The following VAV3 variants were observed in gnomAD, a reference collection of about 807,000 sequenced individuals.
VAV3 encodes vav guanine nucleotide exchange factor 3.
A neutral mutation model predicts 131.2 loss-of-function variants in VAV3; 94 were observed. The ratio of observed to expected loss-of-function variants is 0.72; its 90% CI spans 0.61 to 0.85. The LOEUF (loss-of-function observed/expected upper bound fraction) is 0.85. Ranked by LOEUF, VAV3 falls within the 40% of genes least tolerant of loss-of-function variation. The pLI, the probability that VAV3 is intolerant of heterozygous loss-of-function variation, is 0.00. For missense variants in VAV3, 939 were observed against 1,002.7 expected (o/e 0.94, Z 0.86); for synonymous variants, 349 against 342.0 (o/e 1.02, Z -0.22).
intron 15 of VAV3, among the ~76,000 whole-genome samples, chr1:107,746,703 G>A (rs1004615327): frequency 1.3e-5 from 2 of 152,136 alleles, no homozygotes; most frequent in African/African-American, 4.8e-5. Flanking sequence ...ACGTTGGTCA[G>A]TATTATGTAA....
At chr1:107,668,926 A>G in intron 19 of VAV3, 1 of 988,068 alleles carries the variant, frequency 1.0e-6, no homozygotes, top group Non-Finnish European at 1.2e-6. Context: ...CAAGCTACTT[A>G]TCTCAACGTG....
intron 1 of VAV3, among the ~76,000 whole-genome samples, chr1:107,959,271 AAATTAATT>A (rs936137011): frequency 2.1e-4 from 26 of 126,144 alleles, no homozygotes; most frequent in African/African-American, 8.3e-4. Context: ...AAAAATAAAT[AAATTAATT>A]AATTAATTAA....
chr1:107,721,162 A>G (rs1175592326), intron 15 of VAV3, among the ~76,000 whole-genome samples: 1 of 152,200 alleles, frequency 6.6e-6, no homozygotes, highest in East Asian at 1.9e-4. Context: ...AGACTGAATC[A>G]GGGCATGAGA....
At chr1:107,754,650 A>G (rs1022087656) in intron 12 of VAV3, among the ~76,000 whole-genome samples, 2 of 152,184 alleles carry the variant, frequency 1.3e-5, no homozygotes, top group Non-Finnish European at 2.9e-5. Flanking sequence ...ATATTGGCCT[A>G]CAAGGCTGTG....
At chr1:107,719,294 T>G (rs1356991045) in intron 15 of VAV3, among the ~76,000 whole-genome samples, 1 of 152,172 alleles carries the variant, frequency 6.6e-6, no homozygotes, top group Non-Finnish European at 1.5e-5. Context: ...GAGAAAATGT[T>G]TGCAATCTAC....
At chr1:107,714,396 A>G (rs1660968352) in intron 15 of VAV3, among the ~76,000 whole-genome samples, 1 of 152,178 alleles carries the variant, frequency 6.6e-6, no homozygotes, top group Non-Finnish European at 1.5e-5. Context: ...GTAAAGTCTT[A>G]GCCAAAAATC....
intron 17 of VAV3, among the ~76,000 whole-genome samples, chr1:107,692,030 TA>T (rs66867103): frequency 0.16 from 23,747 of 152,160 alleles, 2,031 homozygotes; most frequent in South Asian, 0.27. Flanking sequence ...TCTGAAGTTC[TA>T]TTCAGACTAA....
chr1:107,755,573 C>T, intron 11 of VAV3, 60 bp from the exon 12 acceptor site: 1 of 1,227,774 alleles, frequency 8.1e-7, no homozygotes, highest in East Asian at 2.4e-5. Flanking sequence ...ATGCAAACTG[C>T]TTTGAAAGAA....
intron 15 of VAV3, among the ~76,000 whole-genome samples, chr1:107,737,851 C>G (rs1662758962): frequency 1.3e-5 from 2 of 152,196 alleles, no homozygotes; most frequent in Non-Finnish European, 2.9e-5. Context: ...AATCCCATTA[C>G]TGGGTATATA....
intron 12 of VAV3, among the ~76,000 whole-genome samples, chr1:107,754,250 G>C (rs1439222804): frequency 1.3e-5 from 2 of 152,154 alleles, no homozygotes; most frequent in Admixed American, 6.5e-5. Context: ...TTGAGAAAGA[G>C]AGTAAATTGA....
chr1:107,579,365 G>T (rs950791984), intron 25 of VAV3, among the ~76,000 whole-genome samples: 1 of 152,138 alleles, frequency 6.6e-6, no homozygotes, highest in South Asian at 2.1e-4. Flanking sequence ...TTTTATGTCT[G>T]ATTTAATGTG....
At chr1:107,833,479 A>C (rs1668344628) in intron 2 of VAV3, among the ~76,000 whole-genome samples, 1 of 152,240 alleles carries the variant, frequency 6.6e-6, no homozygotes. Flanking sequence ...TTTTTAAAGA[A>C]AATATTATCA....
chr1:107,575,024 CGCGT>C (rs1570541948), intron 25 of VAV3, among the ~76,000 whole-genome samples: 1,149 of 96,294 alleles, frequency 0.012, 9 homozygotes, highest in East Asian at 0.043. Context: ...CGCACACGCG[CGCGT>C]GTTTAATATT....
intron 15 of VAV3, among the ~76,000 whole-genome samples, chr1:107,734,843 T>C (rs1662491177): frequency 6.6e-6 from 1 of 152,118 alleles, no homozygotes; most frequent in Non-Finnish European, 1.5e-5. Context: ...AACTCAGCAA[T>C]GCACCAAGCA....
chr1:107,852,173 C>T (rs945485425), intron 2 of VAV3, among the ~76,000 whole-genome samples: 7 of 152,092 alleles, frequency 4.6e-5, no homozygotes, highest in African/African-American at 9.7e-5. Flanking sequence ...CTTTAATAAA[C>T]GTTTTCAATG....
intron 17 of VAV3, among the ~76,000 whole-genome samples, chr1:107,691,681 A>C (rs2101786128): frequency 6.6e-6 from 1 of 152,272 alleles, no homozygotes; most frequent in Non-Finnish European, 1.5e-5. Context: ...ACTATAAAAC[A>C]TTCTTCCCCT....
intron 25 of VAV3, among the ~76,000 whole-genome samples, chr1:107,583,744 T>G (rs1052874273): frequency 5.3e-5 from 8 of 151,966 alleles, no homozygotes; most frequent in Admixed American, 6.6e-5. Context: ...CACTGCTCAA[T>G]GAAATAAAAG....
At chr1:107,729,064 A>G (rs1030433162) in intron 15 of VAV3, among the ~76,000 whole-genome samples, 6 of 152,176 alleles carry the variant, frequency 3.9e-5, no homozygotes, top group Non-Finnish European at 8.8e-5. Flanking sequence ...CCCTACTACA[A>G]TTAACCAGGC....
intron 19 of VAV3, among the ~76,000 whole-genome samples, chr1:107,675,289 A>T (rs1658120230): frequency 1.3e-5 from 2 of 152,224 alleles, no homozygotes; most frequent in African/African-American, 4.8e-5. Context: ...TATGTGCTAA[A>T]CTTGGTTGAT....
Sources: gnomAD v4.1 joint callset for allele counts (sites outside exome capture counted in the v4.1 genomes callset) on GRCh38, gnomAD v4.1.1 for gene constraint, MANE v1.5 for transcripts, NCBI Gene and HGNC (gene_info 2026-07-23, HGNC 2026-07-21) for gene names.